Variants in TM4SF19 observed in about 807,000 individuals in gnomAD.
TM4SF19 encodes the protein transmembrane 4 L six family member 19, also known as transmembrane 4 L6 family member 19.
TM4SF19 carries 17 observed loss-of-function variants against 21.8 expected under a neutral mutation model. The observed-to-expected ratio is 0.78, with a 90% CI of 0.53 to 1.17. The LOEUF is 1.17. TM4SF19 is among the 50% of genes most tolerant of loss of function. The pLI is 0.00. For missense variants in TM4SF19, 216 were observed against 252.1 expected (o/e 0.86, Z 0.97); for synonymous variants, 107 against 106.7 (o/e 1.00, Z -0.02).
Position 196,329,104 on chromosome 3 carries a change from C to T in TM4SF19, c.-1-1513G>A, listed in dbSNP as rs113548058. Among the ~76,000 whole-genome samples, 4 of 81,394 alleles carry T rather than the reference C, an allele frequency of 4.9e-5. 2 individuals carry two copies. Among genetic ancestry groups the T allele is most frequent in the Non-Finnish European group, 1.1e-4 (4 of 34,924 alleles). The allele number at this position is 81,394 out of a possible 152,430, so 53.4% of individuals were successfully genotyped here. ...GATTACAGGTGCCCGCCACCATGCC[C>T]GGTAATTTTTTGTATTTTTAGTAGA... On this transcript the variant is annotated intron_variant, in intron 1 of 4. Coordinates refer to ENST00000273695, the MANE Select transcript of TM4SF19 (RefSeq NM_138461.4).
At chr3:196,334,688 A>G (rs1727653363) in intron 1 of TM4SF19, among the ~76,000 whole-genome samples, 1 of 151,974 alleles carries the variant, frequency 6.6e-6, no homozygotes, top group South Asian at 2.1e-4. Flanking sequence ...TCCTGGTCTC[A>G]AGTGATCCTC....
At position 196,324,113 on chromosome 3, in the gene TM4SF19, G is replaced by A. The variant is rs1352718004; in HGVS notation, c.450-116C>T. 8 of 1,441,520 alleles carry A rather than the reference G, an allele frequency of 5.5e-6. No individual in the cohort carries two copies. The South Asian group carries it at 8.3e-5, about 15-fold the overall frequency. 89.3% of individuals were successfully genotyped at this position (1,441,520 alleles called of 1,614,324 possible). On this transcript the variant is annotated intron_variant, in intron 4 of 4. Coordinates refer to ENST00000273695, the MANE Select transcript of TM4SF19 (RefSeq NM_138461.4). ...CCGGGTCATGGGACTGGGCTCATGAGGGTGACCGTTACTGCTCCATTTGCA... is the reference window on the plus strand; with the variant it reads ...CCGGGTCATGGGACTGGGCTCATGAAGGTGACCGTTACTGCTCCATTTGCA...
At chr3:196,324,085 T>A in intron 4 of TM4SF19, 88 bp from the exon 5 acceptor site, 1 of 1,527,174 alleles carries the variant, frequency 6.5e-7, no homozygotes, top group East Asian at 2.4e-5. Flanking sequence ...GGGTCTCCCC[T>A]GACCGGGTCA....
intron 1 of TM4SF19, among the ~76,000 whole-genome samples, chr3:196,337,004 G>A (rs753676184): frequency 1.3e-5 from 2 of 150,172 alleles, no homozygotes; most frequent in East Asian, 2.0e-4. Flanking sequence ...CCCTTTCCTT[G>A]AGGAGCTTAA....
chr3:196,326,361 T>G (rs191720648), intron 3 of TM4SF19, among the ~76,000 whole-genome samples: 1 of 151,588 alleles, frequency 6.6e-6, no homozygotes. Flanking sequence ...GGAGTTACCA[T>G]AAGGCCACAG....
chr3:196,333,568 A>C (rs759862565), intron 1 of TM4SF19, among the ~76,000 whole-genome samples: 1 of 152,154 alleles, frequency 6.6e-6, no homozygotes, highest in East Asian at 1.9e-4. Flanking sequence ...CATCACACAT[A>C]AATAATGAAA....
rs376447354 is a variant in TM4SF19 at position 196,325,973 on chromosome 3, C to CTTAT, written c.279+978_279+981dup. Reference sequence around the variant, plus strand: ...AAGTGTTTATTTATTTATCTATGTACTTATTTATTTATTTATTTTGAAACG... The same window carrying CTTAT: ...AAGTGTTTATTTATTTATCTATGTACTTATTTATTTATTTATTTATTTTGAAACG... On this transcript the variant is annotated intron_variant, in intron 3 of 4. Coordinates refer to ENST00000273695, the MANE Select transcript of TM4SF19 (RefSeq NM_138461.4). The surrounding 1 kb of genome is among the most constrained non-coding windows in gnomAD (Gnocchi z 4.3). Among the ~76,000 whole-genome samples, 699 of 152,138 alleles carry CTTAT rather than the reference C, an allele frequency of 4.6e-3. 17 individuals carry two copies. In the South Asian group the frequency reaches 0.07, roughly 15 times the overall value.
At chr3:196,324,117 G>A in intron 4 of TM4SF19, 120 bp from the exon 5 acceptor site, 4 of 1,429,884 alleles carry the variant, frequency 2.8e-6, no homozygotes, top group Non-Finnish European at 3.9e-6. Context: ...TCATGAGGGT[G>A]ACCGTTACTG....
At chr3:196,337,082 A>C (rs1727793365) in intron 1 of TM4SF19, among the ~76,000 whole-genome samples, 1 of 101,788 alleles carries the variant, frequency 9.8e-6, no homozygotes. Context: ...TTTTTTTGAG[A>C]CACAGTCTCG....
intron 3 of TM4SF19, chr3:196,324,732 G>A (rs1039393613): frequency 5.2e-6 from 2 of 385,048 alleles, no homozygotes; most frequent in African/African-American, 2.0e-5. Flanking sequence ...CCGTGAGTTC[G>A]CCTGAGCTGC....
At chr3:196,331,902 G>A (rs573534717) in intron 1 of TM4SF19, among the ~76,000 whole-genome samples, 4 of 152,228 alleles carry the variant, frequency 2.6e-5, no homozygotes, top group African/African-American at 9.6e-5. Flanking sequence ...AGGATGACAG[G>A]CGTGAGCCAC....
rs756361618 is a variant in TM4SF19 at position 196,324,473 on chromosome 3, G to C, written c.280-33C>G. On this transcript the variant is annotated intron_variant, in intron 3 of 4. Coordinates refer to ENST00000273695, the MANE Select transcript of TM4SF19 (RefSeq NM_138461.4). ...GGGAGGAGAAACACTGAGCTAAGACGGGGTCGCAGCTGGGGAGCCTGCGGA... is the reference window on the plus strand; with the variant it reads ...GGGAGGAGAAACACTGAGCTAAGACCGGGTCGCAGCTGGGGAGCCTGCGGA... 1.2e-5 allele frequency: 20 copies of C among 1,609,636 alleles called. 1 individual carries two copies. The South Asian group carries it at 1.9e-4, about 15-fold the overall frequency.
rs569486820 is a variant in TM4SF19 at position 196,332,249 on chromosome 3, G to T, written c.-1-4658C>A. Among the ~76,000 whole-genome samples, 149 of 150,784 alleles carry T rather than the reference G, an allele frequency of 9.9e-4. 1 individual carries two copies. Among genetic ancestry groups the T allele is most frequent in the African/African-American group, 3.6e-3 (146 of 41,088 alleles). On this transcript the variant is annotated intron_variant, in intron 1 of 4. Coordinates refer to ENST00000273695, the MANE Select transcript of TM4SF19 (RefSeq NM_138461.4). Reference sequence around the variant, plus strand: ...CAGCCTGGGCAAGAGAGTGAGATTCGGTCTCAAAAAAAAAAAATTAACTGC... The same window carrying T: ...CAGCCTGGGCAAGAGAGTGAGATTCTGTCTCAAAAAAAAAAAATTAACTGC...
At chr3:196,331,803 G>A (rs1054141379) in intron 1 of TM4SF19, among the ~76,000 whole-genome samples, 1 of 151,736 alleles carries the variant, frequency 6.6e-6, no homozygotes, top group African/African-American at 2.4e-5. Flanking sequence ...AAAAAAAAAT[G>A]TAATAGAGGT....
At position 196,324,262 on chromosome 3, in the gene TM4SF19, C is replaced by T. The variant is rs758571425; in HGVS notation, c.449+9G>A. 2.5e-6 allele frequency: 4 copies of T among 1,613,580 alleles called. No homozygotes were observed. Among genetic ancestry groups the T allele is most frequent in the South Asian group, 1.1e-5 (1 of 91,036 alleles). ...TGAAAAGACCAAGCCCAAGCCTCCACCCATTTACCTACTATGCAGGTCTTT... is the reference window on the plus strand; with the variant it reads ...TGAAAAGACCAAGCCCAAGCCTCCATCCATTTACCTACTATGCAGGTCTTT... On this transcript the variant is annotated intron_variant, in intron 4 of 4. Transcript: ENST00000273695.
intron 3 of TM4SF19, chr3:196,324,978 G>GGAAA (rs1025555333): frequency 1.3e-4 from 20 of 152,502 alleles, no homozygotes; most frequent in Admixed American, 1.3e-3. Context: ...TGGGAGGGAG[G>GGAAA]GAAAGAAGGG....
chr3:196,326,076 G>A (rs1458368927), intron 3 of TM4SF19, among the ~76,000 whole-genome samples: 1 of 152,184 alleles, frequency 6.6e-6, no homozygotes, highest in Non-Finnish European at 1.5e-5. Flanking sequence ...CCGGGTTCAA[G>A]AGATTTTCCT....
At chr3:196,324,232 C>G (rs754282749) in intron 4 of TM4SF19, 39 bp downstream of exon 4, 1 of 1,593,998 alleles carries the variant, frequency 6.3e-7, no homozygotes, top group Non-Finnish European at 8.6e-7. Flanking sequence ...CTCTCTCTCT[C>G]TGTCTGAAAA....
chr3:196,336,946 TGACA>T (rs541724653), intron 1 of TM4SF19, among the ~76,000 whole-genome samples: 1 of 151,970 alleles, frequency 6.6e-6, no homozygotes, highest in Non-Finnish European at 1.5e-5. Flanking sequence ...GATCACTACC[TGACA>T]GACACTTGGG....
Sources: gnomAD v4.1 joint callset for allele counts (sites outside exome capture counted in the v4.1 genomes callset) on GRCh38, gnomAD v4.1.1 for gene constraint, Gnocchi (gnomAD v3.1) non-coding constraint, MANE v1.5 for transcripts, NCBI Gene and HGNC (gene_info 2026-07-23, HGNC 2026-07-21) for gene names.